Variants in LIG1 observed in about 807,000 individuals in gnomAD.
LIG1 encodes the protein ligase I, DNA, ATP-dependent.
Under a neutral mutation model 115.7 loss-of-function variants are expected in LIG1, and 70 were observed. That is an observed-to-expected ratio of 0.60 (90% CI 0.50 to 0.74). LIG1 has a LOEUF of 0.74. Ranked by LOEUF, LIG1 falls within the 30% of genes least tolerant of loss-of-function variation. The probability of loss-of-function intolerance (pLI) is 0.00; values close to 1 mark genes in which losing one functional copy is unlikely to be tolerated. For missense variants in LIG1, 1,115 were observed against 1,225.6 expected (o/e 0.91, Z 1.35); for synonymous variants, 487 against 495.3 (o/e 0.98, Z 0.22).
At chr19:48,149,890 C>T in intron 8 of LIG1, 49 bp from the exon 9 acceptor site, 2 of 1,579,660 alleles carry the variant, frequency 1.3e-6, no homozygotes, top group Non-Finnish European at 8.7e-7. Flanking sequence ...TCCGGTAGCC[C>T]CCACCTCCCA....
At chr19:48,138,834 G>C (rs567267261) in intron 12 of LIG1, among the ~76,000 whole-genome samples, 5 of 152,142 alleles carry the variant, frequency 3.3e-5, no homozygotes, top group African/African-American at 1.2e-4. Flanking sequence ...ATTCTTAACC[G>C]ACCCCGTGTG....
At chr19:48,161,689 C>T (rs1053644104) in intron 3 of LIG1, among the ~76,000 whole-genome samples, 182 bp from the exon 4 acceptor site, 9 of 152,238 alleles carry the variant, frequency 5.9e-5, no homozygotes, top group Non-Finnish European at 8.8e-5. Flanking sequence ...TTAATCCACC[C>T]GCCCACTCAT....
At chr19:48,121,982 C>T (rs2033315249) in intron 23 of LIG1, among the ~76,000 whole-genome samples, 1 of 152,208 alleles carries the variant, frequency 6.6e-6, no homozygotes, top group South Asian at 2.1e-4. Context: ...AAGTGCTAAC[C>T]ATGTGCCAGG....
intron 20 of LIG1, 28 bp from the exon 21 acceptor site, chr19:48,127,376 A>T: frequency 6.2e-7 from 1 of 1,602,038 alleles, no homozygotes. Context: ...GGAGTTCGTG[A>T]GTGCAGGAAG....
intron 9 of LIG1, 41 bp downstream of exon 9, chr19:48,149,722 C>T: frequency 6.6e-7 from 1 of 1,519,352 alleles, no homozygotes; most frequent in Non-Finnish European, 9.1e-7. Context: ...GAGAAGGGAA[C>T]ACATCCCGAA....
At chr19:48,164,491 C>G (rs1773113227) in intron 2 of LIG1, among the ~76,000 whole-genome samples, 1 of 152,160 alleles carries the variant, frequency 6.6e-6, no homozygotes, top group Non-Finnish European at 1.5e-5. Flanking sequence ...TGCCTGTGAC[C>G]AGGGGTGGAC....
intron 24 of LIG1, among the ~76,000 whole-genome samples, chr19:48,119,711 T>A (rs982357257): frequency 6.6e-6 from 1 of 151,924 alleles, no homozygotes; most frequent in Non-Finnish European, 1.5e-5. Context: ...GCTAATTTTT[T>A]AAAAAAGTTT....
intron 26 of LIG1, chr19:48,116,315 G>A (rs1011377622): frequency 5.1e-5 from 15 of 294,686 alleles, no homozygotes; most frequent in Admixed American, 3.8e-4. Flanking sequence ...GTGTGGTGGC[G>A]GGCGCCTGTA....
chr19:48,166,535 A>G (rs1025018138), intron 1 of LIG1, among the ~76,000 whole-genome samples: 1 of 152,238 alleles, frequency 6.6e-6, no homozygotes, highest in Non-Finnish European at 1.5e-5. Context: ...TTTAATATGC[A>G]TGCTTTTGCA....
chr19:48,135,814 C>T (rs893930063), intron 15 of LIG1, 35 bp from the exon 16 acceptor site: 4 of 1,567,894 alleles, frequency 2.6e-6, no homozygotes, highest in Non-Finnish European at 3.5e-6. Context: ...TTGGAAGGCA[C>T]CCACATCCTT....
intron 9 of LIG1, among the ~76,000 whole-genome samples, chr19:48,149,442 TG>T (rs2035329587): frequency 6.6e-6 from 1 of 152,130 alleles, no homozygotes. Context: ...GAGTCAACTC[TG>T]GGTGTTAGAA....
chr19:48,121,286 G>C lies in LIG1; in HGVS notation c.2269C>G (p.Leu757Val). The change falls in exon 24 of 28, where the codon CTG (leucine) becomes GTG (valine). Residue 757 changes from leucine (L) to valine (V), a missense_variant. By Grantham distance (32) the Leu-to-Val change is conservative. Coordinates refer to ENST00000263274, the MANE Select transcript of LIG1 (RefSeq NM_000234.3). ...KDYLDGVGDT[L>V]DLVVIGAYLG... ...TAGGCGCCGATCACCACCAGGTCCA[G>C]GGTGTCACCCACGCCATCAAGGTAG... The C allele has an allele frequency of 6.2e-7, 1 of 1,611,806 alleles. No homozygotes were observed. The highest frequency in any genetic ancestry group is 1.1e-5 in the South Asian group (1 of 90,972).
chr19:48,152,927 T>C (rs1418695462), intron 6 of LIG1, among the ~76,000 whole-genome samples: 1 of 152,172 alleles, frequency 6.6e-6, no homozygotes, highest in East Asian at 1.9e-4. Context: ...CTGGGCGCAG[T>C]GGCTCACGCC....
At chr19:48,126,642 G>C (rs905998947) in intron 21 of LIG1, among the ~76,000 whole-genome samples, 1 of 149,762 alleles carries the variant, frequency 6.7e-6, no homozygotes, top group Non-Finnish European at 1.5e-5. Context: ...TCACTCCATA[G>C]AGCTTGTTCA....
At chr19:48,149,885 T>C (rs756052060) in intron 8 of LIG1, 44 bp from the exon 9 acceptor site, 3 of 1,587,744 alleles carry the variant, frequency 1.9e-6, no homozygotes, top group Admixed American at 3.5e-5. Context: ...CTCCTTCCGG[T>C]AGCCCCCACC....
In LIG1 at chr19:48,133,116, G is replaced by A. The variant is rs2034150601; in HGVS notation, c.1610-19C>T. On this transcript the variant is annotated intron_variant, in intron 17 of 27. Transcript: ENST00000263274. The stretch of plus-strand genomic sequence containing the variant: ...GGAATCCCTGGGAAAGGAGGAGAGT[G>A]AGTTAGAGGAGAGGGAAGGCAATGG... 1 of 1,499,800 alleles carries A rather than the reference G, an allele frequency of 6.7e-7. No homozygotes were observed. The allele number at this position is 1,499,800 out of a possible 1,614,324, so 92.9% of individuals were successfully genotyped here.
In LIG1 at chr19:48,134,006, G is replaced by C. The variant is rs147778984; in HGVS notation, c.1584C>G (p.Leu528=). ...PVLLEHGLER[L]PEHCKLSPGI... ...CTGGGCTCAGCTTGCAGTGCTCCGG[G>C]AGACGTTCCAGGCCGTGCTCCAGCA... The change falls in exon 17 of 28, where the codon CTC becomes CTG. Residue 528 remains leucine (L), a synonymous_variant. Transcript: ENST00000263274. 62 of 1,555,756 alleles carry C rather than the reference G, an allele frequency of 4.0e-5. No individual in the cohort carries two copies. Among genetic ancestry groups the C allele is most frequent in the Non-Finnish European group, 3.9e-5 (45 of 1,149,276 alleles).
At chr19:48,131,689 T>C (rs1208744543) in intron 18 of LIG1, among the ~76,000 whole-genome samples, 1 of 152,132 alleles carries the variant, frequency 6.6e-6, no homozygotes, top group African/African-American at 2.4e-5. Context: ...TCCGCCCACC[T>C]TAGCCTCCCA....
At chr19:48,167,233 A>T (rs114810564) in intron 1 of LIG1, among the ~76,000 whole-genome samples, 6,472 of 151,664 alleles carry the variant, frequency 0.043, 320 homozygotes, top group African/African-American at 0.11. Flanking sequence ...TAATTATGTA[A>T]TTATAATTAT....
Sources: allele counts gnomAD v4.1 joint callset (sites outside exome capture counted in the v4.1 genomes callset), GRCh38; gene constraint gnomAD v4.1.1; transcripts MANE v1.5; gene names NCBI Gene and HGNC (gene_info 2026-07-23, HGNC 2026-07-21).